The following KCNH5 variants were observed in gnomAD, a reference collection of about 807,000 sequenced individuals.
KCNH5 encodes voltage-gated delayed rectifier potassium channel KCNH5.
Under a neutral mutation model 96.1 loss-of-function variants are expected in KCNH5, and 46 were observed. The observed-to-expected ratio is 0.48, with a 90% CI of 0.38 to 0.61. The LOEUF is 0.61. Among genes scored for constraint, KCNH5 ranks in the 20% least tolerant of loss-of-function variants. The pLI is 0.00. For synonymous variants in KCNH5, 439 were observed against 449.8 expected (o/e 0.98, Z 0.30); for missense variants, 907 against 1,225.8 (o/e 0.74, Z 3.88).
intron 7 of KCNH5, among the ~76,000 whole-genome samples, chr14:62,860,453 T>A (rs1363655547): frequency 6.6e-6 from 1 of 152,212 alleles, no homozygotes; most frequent in African/African-American, 2.4e-5. Context: ...GTAACTTTGA[T>A]TAAAAACTAT....
chr14:62,927,440 T>C (rs1889497778), intron 7 of KCNH5, among the ~76,000 whole-genome samples: 1 of 152,132 alleles, frequency 6.6e-6, no homozygotes, highest in African/African-American at 2.4e-5. Flanking sequence ...TAGACACCCA[T>C]GTCTATAGGA....
At chr14:62,749,229 A>G (rs1232183901) in intron 10 of KCNH5, among the ~76,000 whole-genome samples, 2 of 152,236 alleles carry the variant, frequency 1.3e-5, no homozygotes, top group Non-Finnish European at 2.9e-5. Flanking sequence ...CCATATCTTT[A>G]GGTTACCCAT....
chr14:62,811,077 GA>G (rs200334774), intron 8 of KCNH5, among the ~76,000 whole-genome samples: 157 of 149,406 alleles, frequency 1.1e-3, no homozygotes, highest in Non-Finnish European at 1.6e-3. Context: ...CAACCCTGGG[GA>G]AAAAAAAATG....
chr14:62,721,197 A>G (rs1448557857), intron 10 of KCNH5, among the ~76,000 whole-genome samples: 1 of 130,542 alleles, frequency 7.7e-6, no homozygotes, highest in African/African-American at 2.5e-5. Flanking sequence ...TGATATGGGT[A>G]TTGGAGAATT....
At chr14:62,837,854 T>A (rs1221290225) in intron 8 of KCNH5, among the ~76,000 whole-genome samples, 1 of 152,158 alleles carries the variant, frequency 6.6e-6, no homozygotes, top group African/African-American at 2.4e-5. Context: ...ACAAGTGAAG[T>A]CTCTACGGAT....
intron 4 of KCNH5, among the ~76,000 whole-genome samples, chr14:62,994,802 T>G (rs1890877480): frequency 6.6e-6 from 1 of 151,968 alleles, no homozygotes; most frequent in Admixed American, 6.6e-5. Context: ...TCTTCAACAG[T>G]AAAATGGAGA....
intron 10 of KCNH5, among the ~76,000 whole-genome samples, chr14:62,753,864 G>T (rs1037335880): frequency 1.1e-4 from 17 of 152,232 alleles, no homozygotes; most frequent in African/African-American, 4.1e-4. Context: ...CAATCTGAAA[G>T]AATAGGACAT....
chr14:62,905,500 G>A (rs1041156974), intron 7 of KCNH5, among the ~76,000 whole-genome samples: 1 of 152,014 alleles, frequency 6.6e-6, no homozygotes, highest in Admixed American at 6.5e-5. Context: ...TTCATTGAGG[G>A]GGGCAGGGGA....
intron 8 of KCNH5, among the ~76,000 whole-genome samples, chr14:62,835,880 G>A (rs1440561817): frequency 1.3e-5 from 2 of 151,776 alleles, no homozygotes; most frequent in African/African-American, 4.8e-5. Context: ...CAAAAAAAAC[G>A]AAATAAATGA....
chr14:62,732,310 A>G (rs1360549383), intron 10 of KCNH5, among the ~76,000 whole-genome samples: 1 of 152,056 alleles, frequency 6.6e-6, no homozygotes, highest in African/African-American at 2.4e-5. Context: ...GAGGAAATAA[A>G]ATTTTCTTCC....
At chr14:63,010,831 G>A (rs1160850500) in intron 2 of KCNH5, among the ~76,000 whole-genome samples, 1 of 152,148 alleles carries the variant, frequency 6.6e-6, no homozygotes, top group Non-Finnish European at 1.5e-5. Context: ...ACTTCCAAAG[G>A]AGAAAAGAAT....
At chr14:62,883,460 A>G (rs996232439) in intron 7 of KCNH5, among the ~76,000 whole-genome samples, 2 of 152,186 alleles carry the variant, frequency 1.3e-5, no homozygotes, top group African/African-American at 4.8e-5. Context: ...CTGCTCATGG[A>G]ATTCAAATTA....
chr14:62,734,758 C>T (rs1031793560), intron 10 of KCNH5, among the ~76,000 whole-genome samples: 3 of 152,144 alleles, frequency 2.0e-5, no homozygotes, highest in Non-Finnish European at 2.9e-5. Flanking sequence ...AGGCAGGGAA[C>T]GTGACTTGGT....
chr14:62,852,952 A>G (rs759518015), intron 7 of KCNH5, among the ~76,000 whole-genome samples: 2 of 152,166 alleles, frequency 1.3e-5, no homozygotes, highest in Non-Finnish European at 2.9e-5. Flanking sequence ...CATATTACAG[A>G]CATACCTATC....
chr14:62,792,472 G>A (rs1331839975), intron 9 of KCNH5, among the ~76,000 whole-genome samples: 13 of 151,480 alleles, frequency 8.6e-5, no homozygotes, highest in Admixed American at 8.6e-4. Flanking sequence ...GGCACTATTA[G>A]TGTTAAGAAC....
At position 62,950,180 on chromosome 14, in the gene KCNH5, G is replaced by A. The variant is rs189501067; in HGVS notation, c.1322C>T (p.Thr441Ile). The A allele has an allele frequency of 1.2e-6, 2 of 1,613,894 alleles. No homozygotes were observed. The highest frequency in any genetic ancestry group is 1.7e-6 in the Non-Finnish European group (2 of 1,179,898). The change falls in exon 7 of 11, where the codon ACC (threonine) becomes ATC (isoleucine). Residue 441 changes from threonine to isoleucine, a missense_variant. Thr to Ile is a moderately conservative substitution (Grantham distance 89, BLOSUM62 -1). This residue lies in a region of KCNH5 where 370 missense variants were observed against 561.3 expected (regional missense o/e 0.66). Transcript: ENST00000322893. Reference protein sequence around the residue: ...TTIGFGNIAPTTDVEKMFSVA... With the variant: ...TTIGFGNIAPITDVEKMFSVA... ...CGAAAACATCTTCTCCACATCTGTGGTAGGAGCTATGTTTCCAAATCCTAT... is the reference window on the plus strand; with the variant it reads ...CGAAAACATCTTCTCCACATCTGTGATAGGAGCTATGTTTCCAAATCCTAT...
chr14:62,739,591 C>T (rs1885229063), intron 10 of KCNH5, among the ~76,000 whole-genome samples: 1 of 152,092 alleles, frequency 6.6e-6, no homozygotes, highest in African/African-American at 2.4e-5. Context: ...GTCTACAGAA[C>T]ATCAACAAAT....
rs573584266 is a variant in KCNH5, at chr14:62,738,861, A to T, written c.2020-30406T>A. On this transcript the variant is annotated intron_variant, in intron 10 of 10. Transcript: ENST00000322893. The stretch of plus-strand genomic sequence containing the variant: ...CTTTAAAAGGGCCCTTAATAAAAGG[A>T]ATGCACATAGAAAGAGCATTATGGA... Among the ~76,000 whole-genome samples the T allele has an allele frequency of 1.4e-4, 21 of 152,274 alleles. No homozygotes were observed. The Middle Eastern group carries it at 0.01, about 74-fold the overall frequency.
intron 10 of KCNH5, among the ~76,000 whole-genome samples, chr14:62,743,772 C>G (rs1291055593): frequency 6.6e-6 from 1 of 151,940 alleles, no homozygotes; most frequent in African/African-American, 2.4e-5. Flanking sequence ...CTGTTCTACC[C>G]GACTCCACCC....
Sources: gnomAD v4.1 joint callset for allele counts (sites outside exome capture counted in the v4.1 genomes callset) on GRCh38, gnomAD v4.1.1 for gene constraint, gnomAD v4.1.1 regional missense constraint, MANE v1.5 for transcripts, NCBI Gene and HGNC (gene_info 2026-07-23, HGNC 2026-07-21) for gene names.